The following CUX2 variants were observed in gnomAD, a reference collection of about 807,000 sequenced individuals.
The protein encoded by CUX2 is homeobox protein cut-like 2.
CUX2 carries 40 observed loss-of-function variants against 144.8 expected under a neutral mutation model. That is an observed-to-expected ratio of 0.28 (90% CI 0.21 to 0.36). CUX2 has a LOEUF of 0.36. Ranked by LOEUF, CUX2 falls within the 10% of genes least tolerant of loss-of-function variation. CUX2 has a pLI of 1.00. For synonymous variants in CUX2, 827 were observed against 875.6 expected (o/e 0.94, Z 0.98); for missense variants, 1,615 against 1,994.0 (o/e 0.81, Z 3.62).
At chr12:111,164,520 G>T (rs1877998082) in intron 1 of CUX2, among the ~76,000 whole-genome samples, 1 of 152,002 alleles carries the variant, frequency 6.6e-6, no homozygotes, top group Non-Finnish European at 1.5e-5. Flanking sequence ...AGGTTGCAGT[G>T]AGCAGAGATT....
rs1417500691 is a variant in CUX2 at position 111,088,674 on chromosome 12, C to G, written c.63+54434C>G. ...GGCTCAGAGAGCTTAAGGGACTTGT[C>G]TGAAGACAGACAGCTGGCAAATGGT... On this transcript the variant is annotated intron_variant, in intron 1 of 21. Coordinates refer to ENST00000261726, the MANE Select transcript of CUX2 (RefSeq NM_015267.4). Among the ~76,000 whole-genome samples, 31 of 152,192 alleles carry G rather than the reference C, an allele frequency of 2.0e-4. 1 individual carries two copies. The highest frequency in any genetic ancestry group is 2.0e-3 in the Admixed American group (31 of 15,282).
In CUX2 at chr12:111,312,222, C is replaced by T; in HGVS notation, c.2002+21C>T. The T allele has an allele frequency of 1.9e-6, 3 of 1,584,370 alleles. No homozygotes were observed. Among genetic ancestry groups the T allele is most frequent in the Non-Finnish European group, 2.6e-6 (3 of 1,161,758 alleles). On this transcript the variant is annotated intron_variant, in intron 16 of 21. Transcript: ENST00000261726. This position sits in a 1 kb window ranked among gnomAD's most constrained non-coding sequence, Gnocchi z 4.3. ...GGGCGGTGAGTGTGACCCCTGCAGG[C>T]AAAGCCTGAGGCCCCCGGGGCCAGC...
chr12:111,213,469 C>A (rs1881344869), intron 1 of CUX2, among the ~76,000 whole-genome samples: 1 of 152,150 alleles, frequency 6.6e-6, no homozygotes, highest in Non-Finnish European at 1.5e-5. Flanking sequence ...CTGGTACATC[C>A]TATAAAAACC....
intron 1 of CUX2, among the ~76,000 whole-genome samples, chr12:111,152,076 G>C (rs1877083740): frequency 6.6e-6 from 1 of 152,162 alleles, no homozygotes; most frequent in African/African-American, 2.4e-5. Context: ...CCTGAGGTCA[G>C]GAGTTCGAGA....
intron 1 of CUX2, among the ~76,000 whole-genome samples, chr12:111,054,532 T>A: frequency 6.6e-6 from 1 of 152,256 alleles, no homozygotes; most frequent in East Asian, 1.9e-4. Context: ...TATTTATTTC[T>A]AGTTTAACAA....
At chr12:111,281,704 C>T (rs1315290778) in intron 4 of CUX2, among the ~76,000 whole-genome samples, 1 of 152,194 alleles carries the variant, frequency 6.6e-6, no homozygotes, top group East Asian at 1.9e-4. Flanking sequence ...TCCACAGACT[C>T]CTAGGGGGAG....
rs369764638 is a variant in CUX2, at chr12:111,255,696, G to T, written c.223-8065G>T. 1.3e-5 allele frequency among the ~76,000 whole-genome samples: 2 copies of T among 152,172 alleles called. No individual in the cohort carries two copies. The highest frequency in any genetic ancestry group is 2.9e-5 in the Non-Finnish European group (2 of 68,024). ...TCTGTTAAATGGGATAGTCACACCCGCAGCGTGATGAGGGTTAAGCTAATG... is the reference window on the plus strand; with the variant it reads ...TCTGTTAAATGGGATAGTCACACCCTCAGCGTGATGAGGGTTAAGCTAATG... On this transcript the variant is annotated intron_variant, in intron 3 of 21. Coordinates refer to ENST00000261726, the MANE Select transcript of CUX2 (RefSeq NM_015267.4). This position sits in a 1 kb window ranked among gnomAD's most constrained non-coding sequence, Gnocchi z 4.1.
chr12:111,311,185 C>A (rs1160700050), intron 15 of CUX2, among the ~76,000 whole-genome samples: 1 of 152,238 alleles, frequency 6.6e-6, no homozygotes, highest in East Asian at 1.9e-4. Context: ...CTCCAGGAGG[C>A]ACCATGAGGA....
rs538062491 is a variant in CUX2 at position 111,074,254 on chromosome 12, G to A, written c.63+40014G>A. Reference sequence around the variant, plus strand: ...GAGGCTTCTCATTTGAATCACCTGGGGGCTTGTTAAAGCCCAGCATCTCGC... The same window carrying A: ...GAGGCTTCTCATTTGAATCACCTGGAGGCTTGTTAAAGCCCAGCATCTCGC... On this transcript the variant is annotated intron_variant, in intron 1 of 21. Transcript: ENST00000261726. Among the ~76,000 whole-genome samples, 7 of 151,992 alleles carry A rather than the reference G, an allele frequency of 4.6e-5. No homozygotes were observed. The South Asian group carries it at 1.5e-3, about 32-fold the overall frequency.
intron 1 of CUX2, among the ~76,000 whole-genome samples, chr12:111,150,784 C>T (rs1325433988): frequency 6.6e-6 from 1 of 151,978 alleles, no homozygotes; most frequent in Admixed American, 6.6e-5. Context: ...GTGTGGAGGC[C>T]AGGGAGGAAA....
In CUX2 at chr12:111,057,481, T is replaced by C. The variant is rs982058623; in HGVS notation, c.63+23241T>C. ...TAGATGCTGACAGCACCACCTTTCC[T>C]TGCTTTCCAAGCTGCCCTCTTGAGG... On this transcript the variant is annotated intron_variant, in intron 1 of 21. Coordinates refer to ENST00000261726, the MANE Select transcript of CUX2 (RefSeq NM_015267.4). This position sits in a 1 kb window ranked among gnomAD's most constrained non-coding sequence, Gnocchi z 5.1. Among the ~76,000 whole-genome samples the C allele has an allele frequency of 1.3e-5, 2 of 152,164 alleles. No individual in the cohort carries two copies. The highest frequency in any genetic ancestry group is 1.5e-5 in the Non-Finnish European group (1 of 68,024).
intron 1 of CUX2, among the ~76,000 whole-genome samples, chr12:111,086,423 A>G (rs1270049019): frequency 6.6e-6 from 1 of 152,250 alleles, no homozygotes; most frequent in East Asian, 1.9e-4. Context: ...AGCTTAGAAC[A>G]TAATGATTGA....
chr12:111,114,761 C>T (rs1382115151), intron 1 of CUX2, among the ~76,000 whole-genome samples: 1 of 152,164 alleles, frequency 6.6e-6, no homozygotes, highest in Non-Finnish European at 1.5e-5. Flanking sequence ...AGATATTCTC[C>T]TATGTTTCTT....
At position 111,348,600 on chromosome 12, in the gene CUX2, A is replaced by G. The variant is rs773475730; in HGVS notation, c.*275A>G. 2.9e-4 allele frequency: 109 copies of G among 378,680 alleles called. No homozygotes were observed. Among genetic ancestry groups the G allele is most frequent in the Admixed American group, 6.3e-4 (15 of 23,864 alleles). 23.5% of individuals were successfully genotyped at this position (378,680 alleles called of 1,614,324 possible). A position where few individuals can be genotyped will look rare whatever the true frequency, so the allele number is the denominator to read the frequency against. On this transcript the variant is annotated 3_prime_UTR_variant, in exon 22 of 22. Coordinates refer to ENST00000261726, the MANE Select transcript of CUX2 (RefSeq NM_015267.4). ...AGAAGCAAAATGGCACCACATATTC[A>G]CCTGAAAACTCCAAACTCTTTTAGA...
chr12:111,333,589 G>A (rs889327394), intron 18 of CUX2, among the ~76,000 whole-genome samples: 6 of 152,170 alleles, frequency 3.9e-5, no homozygotes, highest in East Asian at 3.9e-4. Context: ...AATCAGATTC[G>A]GGCTGTGTAC....
chr12:111,070,480 A>G (rs1482839795), intron 1 of CUX2, among the ~76,000 whole-genome samples: 1 of 146,894 alleles, frequency 6.8e-6, no homozygotes, highest in Non-Finnish European at 1.5e-5. Context: ...TCTTTACAGC[A>G]GTTTTAGGTT....
At chr12:111,164,953 G>T (rs570467242) in intron 1 of CUX2, among the ~76,000 whole-genome samples, 4 of 152,206 alleles carry the variant, frequency 2.6e-5, no homozygotes, top group South Asian at 4.1e-4. Flanking sequence ...GGCCAGCCAT[G>T]GGGGGGAGAG....
At chr12:111,316,142 CT>C (rs201009821) in intron 16 of CUX2, among the ~76,000 whole-genome samples, 7,148 of 131,882 alleles carry the variant, frequency 0.054, 352 homozygotes, top group African/African-American at 0.16. Context: ...TAAAATTAAG[CT>C]TTTTTTTTTT....
At chr12:111,053,252 T>C (rs1483361532) in intron 1 of CUX2, among the ~76,000 whole-genome samples, 1 of 152,212 alleles carries the variant, frequency 6.6e-6, no homozygotes, top group African/African-American at 2.4e-5. Context: ...TTTCTCGTGC[T>C]TGCTCCCCGG....
Sources: allele counts gnomAD v4.1 joint callset (sites outside exome capture counted in the v4.1 genomes callset), GRCh38; gene constraint gnomAD v4.1.1; non-coding constraint Gnocchi (gnomAD v3.1); transcripts MANE v1.5; gene names NCBI Gene and HGNC (gene_info 2026-07-23, HGNC 2026-07-21).